The following NCOA6 variants were observed in gnomAD, a reference collection of about 807,000 sequenced individuals.
NCOA6 encodes the protein nuclear receptor coactivator 6, also known as NRC RAP250.
Under a neutral mutation model 171.4 loss-of-function variants are expected in NCOA6, and 49 were observed. The observed-to-expected ratio is 0.29, with a 90% confidence interval of 0.23 to 0.36. The LOEUF (loss-of-function observed/expected upper bound fraction) is 0.36, where lower values mean the gene tolerates loss of function less well. Among genes scored for constraint, NCOA6 ranks in the 10% least tolerant of loss-of-function variants. NCOA6 has a pLI of 1.00. For synonymous variants in NCOA6, 910 were observed against 927.5 expected, an observed-to-expected ratio of 0.98 and a Z score of 0.34; for missense variants, 2,248 against 2,554.5, an observed-to-expected ratio of 0.88 and a Z score of 2.59.
intron 2 of NCOA6, among the ~76,000 whole-genome samples, chr20:34,783,420 A>G (rs2077569211): frequency 6.6e-6 from 1 of 152,218 alleles, no homozygotes; most frequent in African/African-American, 2.4e-5. Flanking sequence ...GCTGCTTACC[A>G]AAGAGTACAT....
intron 4 of NCOA6, among the ~76,000 whole-genome samples, chr20:34,772,736 T>C (rs1460430541): frequency 6.6e-6 from 1 of 152,148 alleles, no homozygotes; most frequent in Non-Finnish European, 1.5e-5. Flanking sequence ...CAACCTGTCA[T>C]GAACTGAGAG....
In NCOA6 at chr20:34,768,581, C is replaced by A. The variant is rs952691718; in HGVS notation, c.397G>T (p.Gly133Cys). 6.2e-7 allele frequency: 1 copy of A among 1,612,430 alleles called. No homozygotes were observed. The highest frequency in any genetic ancestry group is 1.7e-5 in the Admixed American group (1 of 59,470). Residue 133 changes from glycine (G) to cysteine (C), a missense_variant, in exon 5 of 15, where the codon GGT becomes TGT. Physicochemically the swap from Gly to Cys is radical, Grantham distance 159. This residue lies in a region of NCOA6 where 987 missense variants were observed against 1,104.7 expected (regional missense o/e 0.89). Transcript: ENST00000359003. ...TGAGCCAAAGCCAGGTTAATAGCAC[C>A]TTCCCCTGAAAATGAGTCAAGTGAT... Reference protein sequence around the residue: ...GILSVQIEGEGAINLALAQNR... With the variant: ...GILSVQIEGECAINLALAQNR...
Position 34,750,525 on chromosome 20 carries a change from A to C in NCOA6, c.1676-6T>G. ...AGGACCAGCTCCTTGACCACCTTAA[A>C]AAAAAAAAAAGTCACAGTTTCAGAA... is the stretch of plus-strand genomic sequence containing the variant. On this transcript the variant is annotated splice_polypyrimidine_tract_variant and splice_region_variant and intron_variant, in intron 8 of 14. Transcript: ENST00000359003. 6.5e-7 allele frequency: 1 copy of C among 1,544,890 alleles called. No individual in the cohort carries two copies. Among genetic ancestry groups the C allele is most frequent in the African/African-American group, 1.4e-5 (1 of 71,850 alleles).
At chr20:34,768,328 G>T in intron 5 of NCOA6, 136 bp downstream of exon 5, 1 of 1,180,044 alleles carries the variant, frequency 8.5e-7, no homozygotes, top group Non-Finnish European at 1.2e-6. Flanking sequence ...AAGGACTCAT[G>T]TCTAGCTTTC....
At chr20:34,739,798 A>G (rs1242574417) in intron 11 of NCOA6, among the ~76,000 whole-genome samples, 2 of 152,218 alleles carry the variant, frequency 1.3e-5, no homozygotes, top group African/African-American at 4.8e-5. Flanking sequence ...TTCCTTATAA[A>G]TTGAAAAACT....
At chr20:34,768,197 G>C (rs982962044) in intron 5 of NCOA6, among the ~76,000 whole-genome samples, 13 of 152,146 alleles carry the variant, frequency 8.5e-5, no homozygotes, top group Admixed American at 2.0e-4. Context: ...CAACAGCACA[G>C]GTCATGTCAC....
chr20:34,758,091 T>G lies in NCOA6; in HGVS notation c.657A>C (p.Pro219=), dbSNP rs551902563. Residue 219 remains proline, a synonymous_variant, in exon 7 of 15, where the codon CCA becomes CCC. Coordinates refer to ENST00000359003, the MANE Select transcript of NCOA6 (RefSeq NM_014071.5). The part of the protein sequence containing the change: ...RPASQSDAMD[P]LLSGLHIQQQ... ...GCTGTATATGGAGCCCAGAGAGGAG[T>G]GGATCCATTGCATCTGTTTAAAGAT... The G allele has an allele frequency of 6.2e-7, 1 of 1,609,250 alleles. No individual in the cohort carries two copies. The highest frequency in any genetic ancestry group is 1.1e-5 in the South Asian group (1 of 90,808).
Position 34,740,666 on chromosome 20 carries a change from G to A in NCOA6, c.5590C>T (p.Leu1864Phe). The change falls in exon 11 of 15, where the codon CTC becomes TTC. Residue 1864 changes from leucine (L) to phenylalanine (F), a missense_variant. Coordinates refer to ENST00000359003, the MANE Select transcript of NCOA6 (RefSeq NM_014071.5). The part of the protein sequence containing the change: ...GQGLDTTAPG[L>F]MGTEQLSTEL... The stretch of plus-strand genomic sequence containing the variant: ...GTGGATAACTGCTCTGTTCCCATGA[G>A]CCCCGGAGCTGTGGTGTCTAGCCCT... 6.2e-7 allele frequency: 1 copy of A among 1,614,178 alleles called. No individual in the cohort carries two copies. Among genetic ancestry groups the A allele is most frequent in the East Asian group, 2.2e-5 (1 of 44,880 alleles).
intron 5 of NCOA6, among the ~76,000 whole-genome samples, 180 bp from the exon 6 acceptor site, chr20:34,759,113 G>A (rs771141208): frequency 6.7e-5 from 10 of 150,240 alleles, no homozygotes; most frequent in African/African-American, 7.4e-5. Context: ...TCGACTTCCC[G>A]GGCCCAAGTG....
chr20:34,800,031 A>G (rs958085742), intron 1 of NCOA6, among the ~76,000 whole-genome samples: 1 of 152,184 alleles, frequency 6.6e-6, no homozygotes, highest in Admixed American at 6.5e-5. Context: ...TAATAACTAC[A>G]TCAACTTTTC....
At chr20:34,740,008 G>A (rs1225472590) in intron 11 of NCOA6, among the ~76,000 whole-genome samples, 2 of 152,112 alleles carry the variant, frequency 1.3e-5, no homozygotes, top group African/African-American at 4.8e-5. Flanking sequence ...GATTACAGGT[G>A]TGTGCCATCA....
intron 2 of NCOA6, among the ~76,000 whole-genome samples, chr20:34,791,674 T>C (rs1018761300): frequency 1.3e-5 from 2 of 152,220 alleles, no homozygotes; most frequent in Admixed American, 6.5e-5. Context: ...CAATAAACTC[T>C]TAAATTACAT....
intron 5 of NCOA6, among the ~76,000 whole-genome samples, chr20:34,766,159 G>C (rs2076976299): frequency 6.6e-6 from 1 of 152,106 alleles, no homozygotes; most frequent in Non-Finnish European, 1.5e-5. Flanking sequence ...GAGATATCTT[G>C]GGGGTTAAGA....
Position 34,741,060 on chromosome 20 carries a change from C to A in NCOA6, c.5196G>T (p.Leu1732Phe). Residue 1732 changes from leucine to phenylalanine, a missense_variant, in exon 11 of 15, where the codon TTG becomes TTT. Transcript: ENST00000359003. ...CAGGGGTGGCTCGTGAGCTAAGGAC[C>A]AAAGGTCGACCTGTCTGGATGTTTG... ...PAPNIQTGRP[L>F]VLSSRATPVQ... 6.2e-6 allele frequency: 10 copies of A among 1,614,174 alleles called. No individual in the cohort carries two copies. Among genetic ancestry groups the A allele is most frequent in the Non-Finnish European group, 8.5e-6 (10 of 1,180,036 alleles).
intron 11 of NCOA6, among the ~76,000 whole-genome samples, chr20:34,737,100 G>A (rs1310654628): frequency 6.6e-6 from 1 of 152,084 alleles, no homozygotes; most frequent in Non-Finnish European, 1.5e-5. Flanking sequence ...GCATATCTTA[G>A]TAGGCAACCC....
chr20:34,802,985 A>AT (rs2078306859), intron 1 of NCOA6, among the ~76,000 whole-genome samples: 1 of 151,764 alleles, frequency 6.6e-6, no homozygotes, highest in South Asian at 2.1e-4. Context: ...TAATTTTCGT[A>AT]TTTTTTGTAG....
At chr20:34,776,563 G>T in intron 3 of NCOA6, 115 bp from the exon 4 acceptor site, 1 of 1,184,176 alleles carries the variant, frequency 8.4e-7, no homozygotes, top group Non-Finnish European at 1.2e-6. Context: ...GCTTGGAATA[G>T]CTAACAGAGC....
chr20:34,757,896 T>TTGTTGCTGC lies in NCOA6; in HGVS notation c.843_851dup (p.Gln283_Gln285dup). 1 of 1,613,986 alleles carries TTGTTGCTGC rather than the reference T, an allele frequency of 6.2e-7. No homozygotes were observed. ...GCTGTGGGGGTCTTGCCTGCAACTGTTGTTGCTGCTGTTGCTGTTGTTGCT... is the reference window on the plus strand; with the variant it reads ...GCTGTGGGGGTCTTGCCTGCAACTGTTGTTGCTGCTGTTGCTGCTGTTGCTGTTGTTGCT... On this transcript the variant is annotated inframe_insertion, in exon 7 of 15. Coordinates refer to ENST00000359003, the MANE Select transcript of NCOA6 (RefSeq NM_014071.5).
rs1271028696 is a variant in NCOA6 at position 34,811,482 on chromosome 20, T to C, written c.-164+13990A>G. Among the ~76,000 whole-genome samples, 4 of 152,132 alleles carry C rather than the reference T, an allele frequency of 2.6e-5. No homozygotes were observed. The East Asian group carries it at 7.7e-4, about 29-fold the overall frequency. ...ACTCTTTTGCCTGCATTTAAAAAAC[T>C]TCATTTTATGAATCAATTTCAGATT... On this transcript the variant is annotated intron_variant, in intron 1 of 14. Transcript: ENST00000359003.
Sources: allele counts gnomAD v4.1 joint callset (sites outside exome capture counted in the v4.1 genomes callset), GRCh38; gene constraint gnomAD v4.1.1; regional missense constraint gnomAD v4.1.1; transcripts MANE v1.5; gene names NCBI Gene and HGNC (gene_info 2026-07-23, HGNC 2026-07-21).